The following MAML3 variants were observed in gnomAD, a reference collection of about 807,000 sequenced individuals.
MAML3 encodes mastermind like transcriptional coactivator 3, also known as mastermind-like protein 3.
MAML3 carries 27 observed loss-of-function variants against 101.9 expected under a neutral mutation model. The observed-to-expected ratio is 0.27, with a 90% CI of 0.20 to 0.37. The LOEUF (loss-of-function observed/expected upper bound fraction) is 0.37, where lower values mean the gene tolerates loss of function less well. MAML3 is among the 10% of genes least tolerant of loss of function. MAML3 has a pLI of 1.00. For synonymous variants in MAML3, 501 were observed against 555.9 expected (o/e 0.90, Z 1.39); for missense variants, 1,316 against 1,444.9 (o/e 0.91, Z 1.45).
chr4:140,082,662 G>T (rs1015823792), intron 1 of MAML3, among the ~76,000 whole-genome samples: 3 of 152,090 alleles, frequency 2.0e-5, no homozygotes, highest in Non-Finnish European at 4.4e-5. Flanking sequence ...TTCACACGGG[G>T]CGGGCACAAA....
At chr4:140,070,574 C>G (rs143398576) in intron 1 of MAML3, among the ~76,000 whole-genome samples, 84 of 152,266 alleles carry the variant, frequency 5.5e-4, no homozygotes, top group African/African-American at 1.9e-3. Flanking sequence ...AACTGACACC[C>G]AAGAACCGAA....
At chr4:139,906,907 T>A (rs1732832729) in intron 1 of MAML3, among the ~76,000 whole-genome samples, 1 of 152,156 alleles carries the variant, frequency 6.6e-6, no homozygotes, top group African/African-American at 2.4e-5. Context: ...TTGATGACTT[T>A]AGAGATATTT....
At chr4:139,863,846 T>TTTTTTTTTTTG (rs1731839171) in intron 2 of MAML3, among the ~76,000 whole-genome samples, 1 of 148,888 alleles carries the variant, frequency 6.7e-6, no homozygotes, top group Non-Finnish European at 1.5e-5. Flanking sequence ...TTTTTTTTTT[T>TTTTTTTTTTTG]TTTTTTTTTT....
At chr4:139,798,680 G>C (rs1730557556) in intron 2 of MAML3, among the ~76,000 whole-genome samples, 1 of 152,186 alleles carries the variant, frequency 6.6e-6, no homozygotes, top group Non-Finnish European at 1.5e-5. Context: ...AAACAGGTCA[G>C]GGCCAATTCC....
chr4:139,947,889 G>A (rs1427040665), intron 1 of MAML3, among the ~76,000 whole-genome samples: 2 of 152,094 alleles, frequency 1.3e-5, no homozygotes, highest in African/African-American at 4.8e-5. Flanking sequence ...ATCACCTGAG[G>A]TTGGGAGTTT....
intron 1 of MAML3, among the ~76,000 whole-genome samples, chr4:139,960,540 A>T (rs1733993032): frequency 6.6e-6 from 1 of 152,206 alleles, no homozygotes; most frequent in African/African-American, 2.4e-5. Flanking sequence ...GTGGGATGAA[A>T]ATTACAGGGC....
Position 139,719,752 on chromosome 4 carries a change from T to A in MAML3, c.2988A>T (p.Arg996Ser), listed in dbSNP as rs771627802. The change falls in exon 5 of 5, where the codon AGA (arginine) becomes AGT (serine). Residue 996 changes from arginine to serine, a missense_variant. By Grantham distance (110) the Arg-to-Ser change is moderately radical. Transcript: ENST00000509479. ...ASYPLQAGQP[R>S]LTKQHFPQGL... The stretch of plus-strand genomic sequence containing the variant: ...CCTGTGGGAAGTGCTGCTTGGTCAG[T>A]CTCGGCTGCCCAGCTTGAAGAGGGT... 6.2e-6 allele frequency: 10 copies of A among 1,613,644 alleles called. No homozygotes were observed. The African/African-American group carries it at 6.7e-5, about 11-fold the overall frequency.
chr4:140,119,826 T>C (rs970727100), intron 1 of MAML3, among the ~76,000 whole-genome samples: 5 of 152,164 alleles, frequency 3.3e-5, no homozygotes, highest in Admixed American at 1.3e-4. Flanking sequence ...TGGTCAAACA[T>C]CTCTCAATCT....
chr4:140,153,182 G>A lies in MAML3; in HGVS notation c.146C>T (p.Pro49Leu), dbSNP rs1186796417. The stretch of plus-strand genomic sequence containing the variant: ...GGAGCCGCCGCATCCACCGGCTGCC[G>A]GGTGATTGCTACTCGGAGCAGCGGG... ...STPAAPSSNHPAAGGCGGSGG... is the reference protein window; with the variant it reads ...STPAAPSSNHLAAGGCGGSGG... Residue 49 changes from proline (P) to leucine (L), a missense_variant, in exon 1 of 5, where the codon CCG (proline) becomes CTG (leucine). By Grantham distance (98) the Pro-to-Leu change is moderately conservative. Transcript: ENST00000509479. The A allele has an allele frequency of 1.9e-6, 3 of 1,552,578 alleles. No homozygotes were observed. Among genetic ancestry groups the A allele is most frequent in the Admixed American group, 2.0e-5 (1 of 51,182 alleles).
intron 1 of MAML3, among the ~76,000 whole-genome samples, chr4:140,021,360 A>T (rs1280974456): frequency 6.6e-6 from 1 of 152,216 alleles, no homozygotes; most frequent in Non-Finnish European, 1.5e-5. Context: ...GATTTGCTGG[A>T]AGTACTTCAG....
In MAML3 at chr4:139,914,299, C is replaced by T. The variant is rs527420027; in HGVS notation, c.469-23332G>A. Among the ~76,000 whole-genome samples the T allele has an allele frequency of 1.4e-4, 22 of 152,220 alleles. No individual in the cohort carries two copies. In the South Asian group the frequency reaches 3.3e-3, roughly 23 times the overall value. ...GTTCATTCATTCAACAGGCACTCAT[C>T]GAGCATCATTTATACACTAGGACCT... On this transcript the variant is annotated intron_variant, in intron 1 of 4. Transcript: ENST00000509479.
chr4:139,984,155 T>C (rs1037817353), intron 1 of MAML3, among the ~76,000 whole-genome samples: 2 of 152,138 alleles, frequency 1.3e-5, no homozygotes, highest in African/African-American at 2.4e-5. Context: ...ACTGGAGTAG[T>C]GGGCTACTTG....
intron 1 of MAML3, among the ~76,000 whole-genome samples, chr4:140,011,721 G>C (rs1002291475): frequency 6.6e-6 from 1 of 152,094 alleles, no homozygotes; most frequent in African/African-American, 2.4e-5. Context: ...ATTGCTTCAG[G>C]TTTGGCTAAA....
intron 1 of MAML3, among the ~76,000 whole-genome samples, chr4:139,927,505 A>G (rs1447079888): frequency 1.3e-5 from 2 of 152,200 alleles, no homozygotes; most frequent in Non-Finnish European, 2.9e-5. Flanking sequence ...TTTAGCACCA[A>G]TCTGTGAATC....
chr4:139,863,646 T>G (rs1731827963), intron 2 of MAML3, among the ~76,000 whole-genome samples: 1 of 152,128 alleles, frequency 6.6e-6, no homozygotes, highest in African/African-American at 2.4e-5. Flanking sequence ...TGCCTTTTCT[T>G]ATTTATAAAA....
intron 1 of MAML3, among the ~76,000 whole-genome samples, chr4:140,075,562 G>A (rs901174597): frequency 1.3e-5 from 2 of 152,052 alleles, no homozygotes; most frequent in Admixed American, 1.3e-4. Flanking sequence ...TTAGAGATAG[G>A]ATGTCACTCT....
chr4:139,832,784 TA>T (rs1731191632), intron 2 of MAML3, among the ~76,000 whole-genome samples: 1 of 152,226 alleles, frequency 6.6e-6, no homozygotes, highest in African/African-American at 2.4e-5. Context: ...TACGAGCACA[TA>T]ATCTGTATAA....
chr4:140,059,965 A>C (rs2110936146), intron 1 of MAML3, among the ~76,000 whole-genome samples: 1 of 152,336 alleles, frequency 6.6e-6, no homozygotes, highest in East Asian at 1.9e-4. Flanking sequence ...ATATGATGTG[A>C]TATATATGAT....
At chr4:140,030,837 C>A (rs1726896230) in intron 1 of MAML3, among the ~76,000 whole-genome samples, 2 of 152,240 alleles carry the variant, frequency 1.3e-5, no homozygotes, top group African/African-American at 4.8e-5. Flanking sequence ...TGGTAAAAAT[C>A]ATCATCATTA....
Sources: allele counts gnomAD v4.1 joint callset (sites outside exome capture counted in the v4.1 genomes callset), GRCh38; gene constraint gnomAD v4.1.1; transcripts MANE v1.5; gene names NCBI Gene and HGNC (gene_info 2026-07-23, HGNC 2026-07-21).